The following RANBP17 variants were observed in gnomAD, a reference collection of about 807,000 sequenced individuals.
The protein encoded by RANBP17 is ran-binding protein 17.
A neutral mutation model predicts 141.2 loss-of-function variants in RANBP17; 158 were observed. The observed-to-expected ratio is 1.12, with a 90% CI of 0.98 to 1.28. RANBP17 has a LOEUF of 1.28. Ranked by LOEUF, RANBP17 falls within the 50% of genes most tolerant of loss-of-function variation. The probability of loss-of-function intolerance (pLI) is 0.00; values close to 1 mark genes in which losing one functional copy is unlikely to be tolerated. For synonymous variants in RANBP17, 430 were observed against 450.0 expected (o/e 0.96, Z 0.56); for missense variants, 1,438 against 1,290.7 (o/e 1.11, Z -1.75).
At chr5:171,181,348 G>C (rs572118084) in intron 16 of RANBP17, among the ~76,000 whole-genome samples, 3 of 152,110 alleles carry the variant, frequency 2.0e-5, no homozygotes, top group Non-Finnish European at 4.4e-5. Context: ...TACTCGGGAG[G>C]CTGAGGCAGG....
At chr5:170,942,217 C>T (rs1774380727) in intron 12 of RANBP17, among the ~76,000 whole-genome samples, 2 of 152,142 alleles carry the variant, frequency 1.3e-5, no homozygotes, top group South Asian at 4.1e-4. Context: ...CCTTCCTCCC[C>T]AGTCCGTGGA....
At chr5:171,163,222 T>C (rs1759468716) in intron 14 of RANBP17, among the ~76,000 whole-genome samples, 1 of 152,326 alleles carries the variant, frequency 6.6e-6, no homozygotes, top group Non-Finnish European at 1.5e-5. Context: ...TGAAACGATA[T>C]GGAAAAATTA....
intron 22 of RANBP17, among the ~76,000 whole-genome samples, chr5:171,231,100 CTT>C (rs367751794): frequency 1.2e-4 from 15 of 120,044 alleles, no homozygotes; most frequent in Non-Finnish European, 1.7e-4. Context: ...CCATGCCTGG[CTT>C]TTTTTTTTTT....
intron 25 of RANBP17, among the ~76,000 whole-genome samples, chr5:171,272,051 A>G (rs1023429551): frequency 6.6e-6 from 1 of 152,208 alleles, no homozygotes; most frequent in Non-Finnish European, 1.5e-5. Flanking sequence ...AGCAACATGG[A>G]TGGAGCTGGA....
intron 14 of RANBP17, among the ~76,000 whole-genome samples, chr5:171,148,371 C>T (rs1386120365): frequency 6.6e-6 from 1 of 151,430 alleles, no homozygotes; most frequent in Non-Finnish European, 1.5e-5. Flanking sequence ...TGAGAAACAC[C>T]CAAGAATTAT....
intron 14 of RANBP17, among the ~76,000 whole-genome samples, chr5:171,110,636 G>A (rs559220954): frequency 6.6e-6 from 1 of 152,178 alleles, no homozygotes; most frequent in East Asian, 1.9e-4. Flanking sequence ...ACTTTTACAT[G>A]TATACAGGAG....
intron 14 of RANBP17, among the ~76,000 whole-genome samples, chr5:170,971,614 C>T (rs1394559360): frequency 1.3e-5 from 2 of 152,166 alleles, no homozygotes; most frequent in African/African-American, 4.8e-5. Context: ...TCTTTTAGAA[C>T]TCTGTCTTCC....
chr5:171,220,327 C>T (rs140309469), intron 21 of RANBP17, among the ~76,000 whole-genome samples: 44 of 151,390 alleles, frequency 2.9e-4, no homozygotes, highest in African/African-American at 1.0e-3. Flanking sequence ...GGAGGTGCCT[C>T]CCGGTTAGGC....
At chr5:171,238,306 A>G (rs1040696226) in intron 22 of RANBP17, among the ~76,000 whole-genome samples, 1 of 152,220 alleles carries the variant, frequency 6.6e-6, no homozygotes, top group African/African-American at 2.4e-5. Flanking sequence ...GTTAATACAG[A>G]TGTATCTGAC....
At chr5:171,194,374 CT>C (rs1561751663) in intron 18 of RANBP17, among the ~76,000 whole-genome samples, 1 of 152,120 alleles carries the variant, frequency 6.6e-6, no homozygotes, top group Non-Finnish European at 1.5e-5. Flanking sequence ...CTCTTCTCCC[CT>C]CCCCCAAACC....
intron 14 of RANBP17, among the ~76,000 whole-genome samples, chr5:170,972,175 A>ATTTTT (rs5873248): frequency 3.9e-5 from 4 of 101,370 alleles, no homozygotes; most frequent in East Asian, 6.0e-4. Flanking sequence ...GATCTTTAGG[A>ATTTTT]TTTTTTTTTT....
intron 3 of RANBP17, among the ~76,000 whole-genome samples, chr5:170,892,016 A>G (rs1249306697): frequency 6.6e-6 from 1 of 152,170 alleles, no homozygotes; most frequent in East Asian, 1.9e-4. Context: ...TGTATAAATA[A>G]ACATATGTCT....
At chr5:171,023,839 G>T (rs1344109793) in intron 14 of RANBP17, among the ~76,000 whole-genome samples, 3 of 152,060 alleles carry the variant, frequency 2.0e-5, no homozygotes, top group Non-Finnish European at 4.4e-5. Context: ...TCTGTAGTTT[G>T]GAATGCTCAC....
intron 14 of RANBP17, among the ~76,000 whole-genome samples, chr5:171,144,120 C>T (rs1168144706): frequency 6.6e-6 from 1 of 152,032 alleles, no homozygotes; most frequent in Non-Finnish European, 1.5e-5. Flanking sequence ...TTCAACACTT[C>T]GGGAGGCCAA....
intron 14 of RANBP17, among the ~76,000 whole-genome samples, chr5:171,075,885 G>A (rs899124240): frequency 5.3e-5 from 8 of 152,138 alleles, no homozygotes; most frequent in East Asian, 1.9e-4. Context: ...CCTAGGAGGC[G>A]GAGGTTGCAG....
intron 14 of RANBP17, among the ~76,000 whole-genome samples, chr5:171,004,957 G>C (rs778216452): frequency 1.3e-5 from 2 of 152,086 alleles, no homozygotes; most frequent in Non-Finnish European, 2.9e-5. Flanking sequence ...CTACAGCGGA[G>C]GCAAGTAGCT....
At chr5:170,992,090 A>C (rs1222388355) in intron 14 of RANBP17, among the ~76,000 whole-genome samples, 1 of 152,028 alleles carries the variant, frequency 6.6e-6, no homozygotes, top group Non-Finnish European at 1.5e-5. Context: ...AGAAAAAGAC[A>C]AAAGTGTGAC....
intron 18 of RANBP17, among the ~76,000 whole-genome samples, chr5:171,187,463 T>C (rs1316717838): frequency 6.6e-6 from 1 of 151,742 alleles, no homozygotes; most frequent in African/African-American, 2.4e-5. Context: ...AAAAGTGTGG[T>C]ATCTGTGAAG....
rs116793421 is a variant in RANBP17, at chr5:170,918,560, C to T, written c.955-153C>T. Among the ~76,000 whole-genome samples the T allele has an allele frequency of 4.0e-3, 603 of 152,110 alleles. 3 individuals carry two copies. Among genetic ancestry groups the T allele is most frequent in the African/African-American group, 0.014 (568 of 41,526 alleles). ...ACAAAACTAGACCTAGCAAGAATCC[C>T]TCTATTTTTTTACATTGTTAACTAC... is the stretch of plus-strand genomic sequence containing the variant. On this transcript the variant is annotated intron_variant, in intron 9 of 27. Transcript: ENST00000523189.
Sources: gnomAD v4.1 joint callset for allele counts (sites outside exome capture counted in the v4.1 genomes callset) on GRCh38, gnomAD v4.1.1 for gene constraint, MANE v1.5 for transcripts, NCBI Gene and HGNC (gene_info 2026-07-23, HGNC 2026-07-21) for gene names.